The following TRPM3 variants were observed in gnomAD, a reference collection of about 807,000 sequenced individuals.
TRPM3 encodes transient receptor potential cation channel subfamily M member 3, also known as long transient receptor potential channel 3.
In TRPM3, 77 loss-of-function variants were observed where a neutral mutation model predicts 181.2. The observed-to-expected ratio is 0.42, with a 90% CI of 0.35 to 0.51. The LOEUF (loss-of-function observed/expected upper bound fraction) is 0.51, where lower values mean the gene tolerates loss of function less well. TRPM3 is among the 20% of genes least tolerant of loss of function. The pLI is 0.01. For synonymous variants in TRPM3, 745 were observed against 796.4 expected (o/e 0.94, Z 1.09); for missense variants, 1,759 against 2,196.7 (o/e 0.80, Z 3.98).
At chr9:70,632,438 C>T (rs762874371) in intron 12 of TRPM3, among the ~76,000 whole-genome samples, 1 of 152,212 alleles carries the variant, frequency 6.6e-6, no homozygotes, top group Admixed American at 6.6e-5. Flanking sequence ...ATCTTTCTTG[C>T]TCTCCCATCA....
chr9:70,609,276 C>A (rs2061667005), intron 19 of TRPM3, among the ~76,000 whole-genome samples: 1 of 152,106 alleles, frequency 6.6e-6, no homozygotes, highest in South Asian at 2.1e-4. Context: ...CTGTTTTCTG[C>A]AAGGTTAAAA....
chr9:71,200,828 A>G (rs1218355644), intron 1 of TRPM3, among the ~76,000 whole-genome samples: 2 of 151,500 alleles, frequency 1.3e-5, no homozygotes, highest in East Asian at 3.9e-4. Flanking sequence ...TCTTTATCCA[A>G]TTTGCCAGTC....
In TRPM3 at chr9:70,606,836, T is replaced by TATCA. The variant is rs140030503; in HGVS notation, c.2668-3370_2668-3367dup. On this transcript the variant is annotated intron_variant, in intron 19 of 25. Coordinates refer to ENST00000677713, the MANE Select transcript of TRPM3 (RefSeq NM_001366145.2). ...TAAGATTCATGCTTCTTAAACTAAC[T>TATCA]ATCAAACACAAGCACTAAAGCCTGA... is the stretch of plus-strand genomic sequence containing the variant. Among the ~76,000 whole-genome samples the TATCA allele has an allele frequency of 5.7e-3, 862 of 151,954 alleles. 7 individuals are homozygous for TATCA. Among genetic ancestry groups the TATCA allele is most frequent in the African/African-American group, 0.02 (811 of 41,236 alleles).
At chr9:70,926,130 G>A (rs1292375878) in intron 1 of TRPM3, among the ~76,000 whole-genome samples, 2 of 152,088 alleles carry the variant, frequency 1.3e-5, no homozygotes, top group Admixed American at 6.5e-5. Flanking sequence ...ATAGGCTGCT[G>A]GTTAAGAGAC....
intron 5 of TRPM3, among the ~76,000 whole-genome samples, chr9:70,833,551 G>A (rs1589012583): frequency 6.6e-6 from 1 of 152,128 alleles, no homozygotes; most frequent in Non-Finnish European, 1.5e-5. Flanking sequence ...TAGGTGGGAA[G>A]AATTATAGGG....
intron 1 of TRPM3, among the ~76,000 whole-genome samples, chr9:71,209,802 G>A (rs562472108): frequency 7.9e-5 from 12 of 152,248 alleles, no homozygotes; most frequent in African/African-American, 1.2e-4. Flanking sequence ...GTCAATGACC[G>A]TCAATAAAGT....
chr9:70,552,750 AG>A, intron 24 of TRPM3, 93 bp downstream of exon 24: 13 of 1,304,492 alleles, frequency 1.0e-5, no homozygotes, highest in Middle Eastern at 2.6e-4. Flanking sequence ...AAGAGGTAGG[AG>A]GAACTAGGTG....
At chr9:71,142,094 G>T (rs2075137979) in intron 1 of TRPM3, among the ~76,000 whole-genome samples, 1 of 152,264 alleles carries the variant, frequency 6.6e-6, no homozygotes, top group South Asian at 2.1e-4. Context: ...ACTTTGAAAT[G>T]TTGAATAGGG....
intron 1 of TRPM3, among the ~76,000 whole-genome samples, chr9:70,963,514 G>T (rs1163961290): frequency 6.6e-6 from 1 of 152,054 alleles, no homozygotes; most frequent in Non-Finnish European, 1.5e-5. Flanking sequence ...ATTTTGAGGG[G>T]CTGGCAATTG....
chr9:71,252,935 C>T (rs10868997), intron 1 of TRPM3, among the ~76,000 whole-genome samples: 40,160 of 147,160 alleles, frequency 0.27, 6,382 homozygotes, highest in African/African-American at 0.44. Context: ...AATCTGCCTG[C>T]TTTGGCCTCC....
chr9:70,851,580 C>T (rs1227328556), intron 3 of TRPM3, among the ~76,000 whole-genome samples: 2 of 152,194 alleles, frequency 1.3e-5, no homozygotes, highest in Non-Finnish European at 2.9e-5. Flanking sequence ...ACCAATAGAA[C>T]TACTGAATAT....
rs568885024 is a variant in TRPM3, at chr9:71,429,035, A to G, written c.183+17618T>C. On this transcript the variant is annotated intron_variant, in intron 1 of 24. Transcript: ENST00000357533. ...GGACCTCATCTTTGCACAATACTGT[A>G]TCTCATTGGTTAATCTCATTTTTGT... Among the ~76,000 whole-genome samples, 13 of 151,788 alleles carry G rather than the reference A, an allele frequency of 8.6e-5. No homozygotes were observed. The South Asian group carries it at 2.7e-3, about 32-fold the overall frequency.
chr9:70,657,725 G>C (rs2060560618), intron 9 of TRPM3, among the ~76,000 whole-genome samples: 1 of 152,082 alleles, frequency 6.6e-6, no homozygotes, highest in Non-Finnish European at 1.5e-5. Flanking sequence ...TTACTCCTGA[G>C]TCTAAAAAGG....
intron 9 of TRPM3, among the ~76,000 whole-genome samples, chr9:70,656,860 T>A (rs976568307): frequency 2.0e-5 from 3 of 152,164 alleles, no homozygotes; most frequent in East Asian, 1.9e-4. Context: ...TATTTAAAGG[T>A]TATGTATAAA....
At chr9:70,616,245 GTAAC>G (rs968968085) in intron 17 of TRPM3, among the ~76,000 whole-genome samples, 170 bp from the exon 18 acceptor site, 78 of 152,126 alleles carry the variant, frequency 5.1e-4, no homozygotes, top group African/African-American at 1.8e-3. Context: ...GGACATCTGA[GTAAC>G]TAACATATTA....
chr9:71,332,178 G>A (rs1473728517), intron 1 of TRPM3, among the ~76,000 whole-genome samples: 1 of 151,658 alleles, frequency 6.6e-6, no homozygotes, highest in Non-Finnish European at 1.5e-5. Context: ...AATCTTGGAT[G>A]ATTTTAAAAT....
intron 1 of TRPM3, among the ~76,000 whole-genome samples, chr9:70,932,667 G>C (rs1589871722): frequency 6.6e-6 from 1 of 152,282 alleles, no homozygotes; most frequent in Non-Finnish European, 1.5e-5. Context: ...CATGTGCACA[G>C]ATACTGTAGC....
chr9:70,783,785 T>C (rs1260627455), intron 7 of TRPM3: 1 of 964,514 alleles, frequency 1.0e-6, no homozygotes, highest in African/African-American at 1.8e-5. Context: ...AAAACTCAAT[T>C]CCTGCTTCTC....
At chr9:71,017,854 C>T (rs548294964) in intron 1 of TRPM3, among the ~76,000 whole-genome samples, 1 of 151,916 alleles carries the variant, frequency 6.6e-6, no homozygotes, top group South Asian at 2.1e-4. Context: ...ACATAGAACT[C>T]TATACCCAAC....
Sources: allele counts gnomAD v4.1 joint callset (sites outside exome capture counted in the v4.1 genomes callset), GRCh38; gene constraint gnomAD v4.1.1; transcripts MANE v1.5; gene names NCBI Gene and HGNC (gene_info 2026-07-23, HGNC 2026-07-21).